The following TENM2 variants were observed in gnomAD, a reference collection of about 807,000 sequenced individuals.
TENM2 encodes the protein teneurin-2.
TENM2 carries 52 observed loss-of-function variants against 245.2 expected under a neutral mutation model. That is an observed-to-expected ratio of 0.21 (90% CI 0.17 to 0.27). TENM2 has a LOEUF of 0.27. Among genes scored for constraint, TENM2 ranks in the 10% least tolerant of loss-of-function variants. The pLI, the probability that TENM2 is intolerant of heterozygous loss-of-function variation, is 1.00. For missense variants in TENM2, 3,046 were observed against 3,666.8 expected, an observed-to-expected ratio of 0.83 and a Z score of 4.37; for synonymous variants, 1,363 against 1,438.9, an observed-to-expected ratio of 0.95 and a Z score of 1.19.
chr5:167,329,321 G>A (rs915330245), intron 1 of TENM2, among the ~76,000 whole-genome samples: 12 of 151,192 alleles, frequency 7.9e-5, no homozygotes, highest in African/African-American at 2.2e-4. Flanking sequence ...CGAGGCGGGC[G>A]GATCATGAGG....
intron 2 of TENM2, among the ~76,000 whole-genome samples, chr5:167,756,244 A>G (rs1273858529): frequency 2.0e-5 from 3 of 152,068 alleles, no homozygotes; most frequent in Admixed American, 6.6e-5. Flanking sequence ...ATGTAATCCC[A>G]CTTCCTTTTT....
At chr5:167,595,451 G>GA (rs1299116375) in intron 2 of TENM2, among the ~76,000 whole-genome samples, 2 of 152,268 alleles carry the variant, frequency 1.3e-5, no homozygotes, top group East Asian at 3.9e-4. Flanking sequence ...CATGATCAAG[G>GA]TTTTTGACAT....
At chr5:167,096,427 C>T in the TENM2 span, among the ~76,000 whole-genome samples, 2 of 152,146 alleles carry the variant, frequency 1.3e-5, no homozygotes, top group African/African-American at 2.4e-5. Context: ...AGTCACTATA[C>T]CCTTTTACGG....
At chr5:167,427,927 G>A (rs1277004473) in intron 2 of TENM2, among the ~76,000 whole-genome samples, 2 of 144,290 alleles carry the variant, frequency 1.4e-5, no homozygotes, top group Non-Finnish European at 3.1e-5. Flanking sequence ...AGGAAGGAAG[G>A]ACGGGAAGGA....
At chr5:167,641,017 A>T (rs1464246655) in intron 2 of TENM2, among the ~76,000 whole-genome samples, 1 of 150,434 alleles carries the variant, frequency 6.6e-6, no homozygotes, top group Non-Finnish European at 1.5e-5. Context: ...AGACCTGCTG[A>T]AGTGGAAACC....
chr5:167,866,818 T>C (rs1270434470), intron 2 of TENM2, among the ~76,000 whole-genome samples: 1 of 152,214 alleles, frequency 6.6e-6, no homozygotes, highest in Non-Finnish European at 1.5e-5. Context: ...GTCTAGGCTA[T>C]GCTGTCCAAC....
At chr5:167,768,643 ATATACCAACAAAGCCACTGAC>A in intron 2 of TENM2, among the ~76,000 whole-genome samples, 1 of 152,194 alleles carries the variant, frequency 6.6e-6, no homozygotes, top group Non-Finnish European at 1.5e-5. Context: ...GCCTGAATTT[ATATACCAACAAAGCCACTGAC>A]TGTGTGACCT....
chr5:167,238,579 C>G, the TENM2 span, among the ~76,000 whole-genome samples: 1 of 151,858 alleles, frequency 6.6e-6, no homozygotes, highest in Non-Finnish European at 1.5e-5. Flanking sequence ...GCGGGACAAG[C>G]CTGCTAGGTT....
At chr5:167,176,125 A>G in the TENM2 span, among the ~76,000 whole-genome samples, 3 of 151,502 alleles carry the variant, frequency 2.0e-5, no homozygotes, top group Non-Finnish European at 4.4e-5. Context: ...ATTAACAGCA[A>G]CTCCCTGATG....
chr5:167,912,807 C>A (rs1037861915), intron 3 of TENM2, among the ~76,000 whole-genome samples: 1 of 152,114 alleles, frequency 6.6e-6, no homozygotes, highest in Non-Finnish European at 1.5e-5. Context: ...TATAGAAATT[C>A]AAAATACCTT....
chr5:167,522,267 A>G (rs1019932198), intron 2 of TENM2, among the ~76,000 whole-genome samples: 2 of 152,190 alleles, frequency 1.3e-5, no homozygotes, highest in African/African-American at 2.4e-5. Flanking sequence ...TTCCTTTGAT[A>G]GATTCAGGGC....
chr5:168,115,403 AG>A (rs779676138), intron 9 of TENM2, among the ~76,000 whole-genome samples: 1 of 106,512 alleles, frequency 9.4e-6, no homozygotes, highest in African/African-American at 3.9e-5. Context: ...GAAGGAAGGA[AG>A]GAAGGGAAAG....
chr5:168,216,821 C>T (rs370482080), exon 22 of TENM2: 22 of 1,613,842 alleles, frequency 1.4e-5, no homozygotes, highest in Non-Finnish European at 3.4e-6. Context: ...CACCATGATC[C>T]GGAAGGTTGA....
At chr5:168,059,922 T>G (rs1789885869) in intron 6 of TENM2, among the ~76,000 whole-genome samples, 1 of 152,146 alleles carries the variant, frequency 6.6e-6, no homozygotes, top group Admixed American at 6.5e-5. Flanking sequence ...ATAAATAGTG[T>G]CCCATCTATA....
chr5:167,881,199 G>A (rs1773849165), intron 3 of TENM2, among the ~76,000 whole-genome samples: 1 of 152,160 alleles, frequency 6.6e-6, no homozygotes, highest in South Asian at 2.1e-4. Flanking sequence ...TATGCACATT[G>A]TAATTTAATT....
chr5:167,856,042 A>C (rs919823065), intron 2 of TENM2, among the ~76,000 whole-genome samples: 1 of 152,148 alleles, frequency 6.6e-6, no homozygotes, highest in Non-Finnish European at 1.5e-5. Flanking sequence ...ATTCCCTGTT[A>C]GTCCTTTTAT....
chr5:167,579,712 C>T (rs546715341), intron 2 of TENM2, among the ~76,000 whole-genome samples: 2 of 152,310 alleles, frequency 1.3e-5, no homozygotes, highest in African/African-American at 4.8e-5. Context: ...CTGTACCTCC[C>T]TTTTCTTCCT....
intron 2 of TENM2, among the ~76,000 whole-genome samples, chr5:167,545,955 T>C (rs1168163464): frequency 6.6e-6 from 1 of 152,192 alleles, no homozygotes. Context: ...TTAGTAATAA[T>C]GATTTGCAAA....
chr5:168,199,422 A>G (rs1761742899), intron 16 of TENM2, among the ~76,000 whole-genome samples: 3 of 152,234 alleles, frequency 2.0e-5, no homozygotes, highest in Non-Finnish European at 4.4e-5. Flanking sequence ...ACATGGTAAG[A>G]GGCGCTTTAA....
Sources: allele counts gnomAD v4.1 joint callset (sites outside exome capture counted in the v4.1 genomes callset), GRCh38; gene constraint gnomAD v4.1.1; transcripts MANE v1.5; gene names NCBI Gene and HGNC (gene_info 2026-07-23, HGNC 2026-07-21).